Variants in CTNND2 observed in about 807,000 individuals in gnomAD.
CTNND2 encodes the protein catenin delta 2, also known as catenin delta-2.
In CTNND2, 22 loss-of-function variants were observed where a neutral mutation model predicts 144.4. The observed-to-expected ratio is 0.15, with a 90% CI of 0.11 to 0.22. The LOEUF (loss-of-function observed/expected upper bound fraction) is 0.22, where lower values mean the gene tolerates loss of function less well. Ranked by LOEUF, CTNND2 falls within the 10% of genes least tolerant of loss-of-function variation. The probability of loss-of-function intolerance (pLI) is 1.00; values close to 1 mark genes in which losing one functional copy is unlikely to be tolerated. For missense variants in CTNND2, 1,353 were observed against 1,618.8 expected, an observed-to-expected ratio of 0.84 and a Z score of 2.82; for synonymous variants, 751 against 695.6, an observed-to-expected ratio of 1.08 and a Z score of -1.25.
Position 11,003,319 on chromosome 5 carries a change from C to T in CTNND2, c.3085-10642G>A, listed in dbSNP as rs143416123. Among the ~76,000 whole-genome samples the T allele has an allele frequency of 1.8e-4, 27 of 152,298 alleles. No individual in the cohort carries two copies. The East Asian group carries it at 5.0e-3, about 28-fold the overall frequency. On this transcript the variant is annotated intron_variant, in intron 18 of 21. Transcript: ENST00000304623. ...CTTACATTCACAAGCAAGACTACTT[C>T]GCTGGGGACCTATTTTTCAGATGAA... is the stretch of plus-strand genomic sequence containing the variant.
At chr5:11,680,464 A>G (rs746250400) in intron 2 of CTNND2, among the ~76,000 whole-genome samples, 1 of 152,090 alleles carries the variant, frequency 6.6e-6, no homozygotes, top group Non-Finnish European at 1.5e-5. Flanking sequence ...TAAACACCCC[A>G]CCACGCACAG....
chr5:11,142,998 G>T (rs1175437060), intron 12 of CTNND2, among the ~76,000 whole-genome samples: 1 of 152,102 alleles, frequency 6.6e-6, no homozygotes, highest in Admixed American at 6.5e-5. Context: ...ATTAGATGAG[G>T]CAGTGTGTGA....
chr5:11,016,165 C>T (rs1375378708), intron 18 of CTNND2, among the ~76,000 whole-genome samples: 3 of 152,116 alleles, frequency 2.0e-5, no homozygotes, highest in African/African-American at 7.2e-5. Context: ...TGAATATTCA[C>T]GGATTTTGCT....
chr5:11,447,146 C>T (rs1359836506), intron 3 of CTNND2, among the ~76,000 whole-genome samples: 1 of 152,088 alleles, frequency 6.6e-6, no homozygotes, highest in African/African-American at 2.4e-5. Flanking sequence ...GAATTTGAGA[C>T]CAGCCTGGTC....
At chr5:11,850,965 T>C (rs926083150) in intron 1 of CTNND2, among the ~76,000 whole-genome samples, 4 of 152,218 alleles carry the variant, frequency 2.6e-5, no homozygotes, top group African/African-American at 4.8e-5. Flanking sequence ...CAGCTAACTT[T>C]AAGTAAAGCA....
At chr5:11,536,336 T>A (rs1004636467) in intron 3 of CTNND2, among the ~76,000 whole-genome samples, 1 of 152,172 alleles carries the variant, frequency 6.6e-6, no homozygotes, top group African/African-American at 2.4e-5. Flanking sequence ...ATTGCTGGGA[T>A]TACAGGTGTG....
chr5:11,774,109 T>C (rs539266638), intron 1 of CTNND2, among the ~76,000 whole-genome samples: 1 of 152,242 alleles, frequency 6.6e-6, no homozygotes, highest in South Asian at 2.1e-4. Context: ...ACAAAAGAAC[T>C]GAACTTTGAC....
At chr5:11,152,864 C>G (rs1757867639) in intron 12 of CTNND2, among the ~76,000 whole-genome samples, 1 of 152,194 alleles carries the variant, frequency 6.6e-6, no homozygotes, top group Non-Finnish European at 1.5e-5. Context: ...TTCCTCTGCT[C>G]TAGGACCAGG....
At chr5:11,710,150 T>C (rs1034720405) in intron 2 of CTNND2, among the ~76,000 whole-genome samples, 2 of 152,142 alleles carry the variant, frequency 1.3e-5, no homozygotes, top group Non-Finnish European at 2.9e-5. Context: ...GGAAAGATGA[T>C]TGTTCCTTCC....
intron 13 of CTNND2, 23 bp downstream of exon 13, chr5:11,117,427 T>G (rs1471742916): frequency 6.3e-7 from 1 of 1,578,202 alleles, no homozygotes; most frequent in Non-Finnish European, 8.7e-7. Context: ...CAAACATGTT[T>G]AATCTATGCC....
intron 1 of CTNND2, among the ~76,000 whole-genome samples, chr5:11,877,683 C>T (rs1391790225): frequency 4.0e-5 from 6 of 149,912 alleles, no homozygotes; most frequent in Non-Finnish European, 8.9e-5. Context: ...AAAAAAATTT[C>T]CCACCTTCAA....
intron 1 of CTNND2, among the ~76,000 whole-genome samples, chr5:11,758,535 T>C (rs951135703): frequency 1.3e-5 from 2 of 152,024 alleles, no homozygotes; most frequent in African/African-American, 4.8e-5. Flanking sequence ...AACCATCATA[T>C]AGTACCTTTT....
intron 3 of CTNND2, among the ~76,000 whole-genome samples, chr5:11,447,342 C>CAA (rs1166103735): frequency 4.2e-5 from 4 of 95,206 alleles, no homozygotes; most frequent in African/African-American, 7.2e-5. Context: ...ATGCCGTTTA[C>CAA]AAAAAAAAAA....
intron 9 of CTNND2, among the ~76,000 whole-genome samples, chr5:11,240,281 A>C (rs1320297953): frequency 7.6e-6 from 1 of 131,614 alleles, no homozygotes; most frequent in Non-Finnish European, 1.6e-5. Flanking sequence ...CCCAACACAC[A>C]CACACTCAAA....
intron 1 of CTNND2, among the ~76,000 whole-genome samples, chr5:11,895,993 T>C (rs570939964): frequency 2.1e-5 from 3 of 145,100 alleles, no homozygotes; most frequent in Non-Finnish European, 4.7e-5. Flanking sequence ...ACTCCTGCCT[T>C]GCTGAGAGAA....
intron 1 of CTNND2, among the ~76,000 whole-genome samples, chr5:11,820,634 A>G (rs1422932190): frequency 6.6e-6 from 1 of 152,198 alleles, no homozygotes; most frequent in Non-Finnish European, 1.5e-5. Flanking sequence ...CTTTATGATA[A>G]TTTACACAAC....
At chr5:11,101,146 G>A (rs1258395056) in intron 14 of CTNND2, among the ~76,000 whole-genome samples, 1 of 152,176 alleles carries the variant, frequency 6.6e-6, no homozygotes, top group Non-Finnish European at 1.5e-5. Flanking sequence ...GAAGAAAAAG[G>A]ACTATTTCAA....
intron 3 of CTNND2, among the ~76,000 whole-genome samples, chr5:11,546,309 C>T (rs545277393): frequency 1.3e-5 from 2 of 151,532 alleles, no homozygotes; most frequent in African/African-American, 4.8e-5. Flanking sequence ...CTAAAAAAAG[C>T]CCTGCAGCAG....
intron 9 of CTNND2, among the ~76,000 whole-genome samples, chr5:11,289,092 C>G (rs80013531): frequency 0.016 from 2,495 of 152,282 alleles, 40 homozygotes; most frequent in Non-Finnish European, 0.021. Flanking sequence ...CCATCCCCCC[C>G]GCCTGTGCTC....
Sources: allele counts gnomAD v4.1 joint callset (sites outside exome capture counted in the v4.1 genomes callset), GRCh38; gene constraint gnomAD v4.1.1; transcripts MANE v1.5; gene names NCBI Gene and HGNC (gene_info 2026-07-23, HGNC 2026-07-21).